Variants in ACSL5 observed in about 807,000 individuals in gnomAD.
ACSL5 encodes the protein long-chain-fatty-acid--CoA ligase 5.
ACSL5 carries 50 observed loss-of-function variants against 84.9 expected under a neutral mutation model. The observed-to-expected ratio is 0.59, with a 90% CI of 0.47 to 0.75. ACSL5 has a LOEUF of 0.75. ACSL5 is among the 30% of genes least tolerant of loss of function. The probability of loss-of-function intolerance (pLI) is 0.00; values close to 1 mark genes in which losing one functional copy is unlikely to be tolerated. For synonymous variants in ACSL5, 280 were observed against 300.7 expected (o/e 0.93, Z 0.71); for missense variants, 775 against 830.4 (o/e 0.93, Z 0.82).
intron 1 of ACSL5, among the ~76,000 whole-genome samples, chr10:112,391,889 T>C (rs1843649702): frequency 6.6e-6 from 1 of 152,196 alleles, no homozygotes; most frequent in Non-Finnish European, 1.5e-5. Context: ...TGAGACGCCA[T>C]AGATTCTCTG....
chr10:112,426,374 G>A lies in ACSL5; in HGVS notation c.1839+15G>A, dbSNP rs562574932. ...GCCAAAACCAAGTAAGTCTTGCCTAGGAAAGCTTTATGCACACCCATGGGC... is the reference window on the plus strand; with the variant it reads ...GCCAAAACCAAGTAAGTCTTGCCTAAGAAAGCTTTATGCACACCCATGGGC... On this transcript the variant is annotated intron_variant, in intron 19 of 20. Transcript: ENST00000354655. The A allele has an allele frequency of 4.1e-5, 66 of 1,610,634 alleles. No homozygotes were observed. The Admixed American group carries it at 9.0e-4, about 22-fold the overall frequency.
chr10:112,416,339 C>A (rs751173700), intron 12 of ACSL5, among the ~76,000 whole-genome samples: 1 of 151,936 alleles, frequency 6.6e-6, no homozygotes, highest in South Asian at 2.1e-4. Context: ...GGCGTGGTGG[C>A]GGGTGCCTGT....
intron 1 of ACSL5, among the ~76,000 whole-genome samples, chr10:112,384,958 T>A (rs755548744): frequency 4.8e-4 from 73 of 152,236 alleles, no homozygotes; most frequent in Non-Finnish European, 9.4e-4. Flanking sequence ...TCTTTTCATA[T>A]CATTACCTAC....
At chr10:112,380,217 T>G (rs1849322819) in intron 1 of ACSL5, among the ~76,000 whole-genome samples, 1 of 152,130 alleles carries the variant, frequency 6.6e-6, no homozygotes, top group Non-Finnish European at 1.5e-5. Flanking sequence ...ACTTCTGGGG[T>G]CACATCCTGT....
At chr10:112,407,738 TA>T (rs770002839) in intron 5 of ACSL5, among the ~76,000 whole-genome samples, 1 of 152,144 alleles carries the variant, frequency 6.6e-6, no homozygotes, top group Non-Finnish European at 1.5e-5. Flanking sequence ...TCTACCTCCA[TA>T]ACCAAATCCT....
intron 1 of ACSL5, among the ~76,000 whole-genome samples, chr10:112,382,561 G>T (rs576717600): frequency 6.6e-6 from 1 of 152,146 alleles, no homozygotes; most frequent in Non-Finnish European, 1.5e-5. Flanking sequence ...CCGAGGAAAG[G>T]GCTTATTCTG....
At chr10:112,385,754 G>A (rs1048533227) in intron 1 of ACSL5, among the ~76,000 whole-genome samples, 8 of 152,074 alleles carry the variant, frequency 5.3e-5, no homozygotes, top group East Asian at 1.9e-4. Flanking sequence ...TTTCCTCAAC[G>A]TGTCTTTGTC....
Position 112,410,600 on chromosome 10 carries a change from AC to A in ACSL5, c.763del (p.Leu255Ter). 1 of 1,614,036 alleles carries A rather than the reference AC, an allele frequency of 6.2e-7. No homozygotes were observed. Among genetic ancestry groups the A allele is most frequent in the Non-Finnish European group, 8.5e-7 (1 of 1,180,008 alleles). ...FRKPVPPSPE[D>X]LSVICFTSGT... Reference sequence around the variant, plus strand: ...CTCCTCCAGCCTCCTAGCCCAGAAGACCTGAGCGTCATCTGCTTCACCAGTG... The same window carrying A: ...CTCCTCCAGCCTCCTAGCCCAGAAGACTGAGCGTCATCTGCTTCACCAGTG... On this transcript the variant is annotated frameshift_variant, in exon 9 of 21. Transcript: ENST00000354655. LOFTEE classifies it high-confidence loss of function.
At chr10:112,389,535 T>C (rs1003065853) in intron 1 of ACSL5, among the ~76,000 whole-genome samples, 3 of 152,180 alleles carry the variant, frequency 2.0e-5, no homozygotes, top group African/African-American at 7.2e-5. Flanking sequence ...CAGAGCCCTC[T>C]TTCCTCTTTT....
chr10:112,408,317 A>G, intron 5 of ACSL5, 105 bp from the exon 6 acceptor site: 1 of 759,392 alleles, frequency 1.3e-6, no homozygotes, highest in Non-Finnish European at 2.2e-6. Flanking sequence ...AAAAAAAAGC[A>G]AAACAAAACA....
intron 1 of ACSL5, among the ~76,000 whole-genome samples, chr10:112,382,727 C>A (rs1849374943): frequency 6.6e-6 from 1 of 152,244 alleles, no homozygotes; most frequent in South Asian, 2.1e-4. Context: ...GAAGCCTAGA[C>A]TCTTAACCCT....
At chr10:112,399,161 T>C in intron 3 of ACSL5, 152 bp downstream of exon 3, 1 of 665,200 alleles carries the variant, frequency 1.5e-6, no homozygotes, top group Non-Finnish European at 2.6e-6. Context: ...CATTAGAACA[T>C]AGTATTAGGA....
chr10:112,392,117 T>C (rs1232295098), intron 1 of ACSL5, among the ~76,000 whole-genome samples: 1 of 152,130 alleles, frequency 6.6e-6, no homozygotes, highest in Non-Finnish European at 1.5e-5. Flanking sequence ...AGGAGGGTGT[T>C]GGTAAGGATC....
chr10:112,388,782 A>G (rs999197770), intron 1 of ACSL5, among the ~76,000 whole-genome samples: 32 of 152,286 alleles, frequency 2.1e-4, no homozygotes, highest in African/African-American at 7.2e-4. Context: ...ACAATATTCA[A>G]TAAGGTGATC....
chr10:112,394,832 G>A, intron 1 of ACSL5, 86 bp from the exon 2 acceptor site: 1 of 1,551,690 alleles, frequency 6.4e-7, no homozygotes, highest in Non-Finnish European at 8.7e-7. Flanking sequence ...ATGTGTGTGT[G>A]TGTGTCCTTC....
At chr10:112,375,218 T>A (rs997202793) in intron 1 of ACSL5, 21 of 151,962 alleles carry the variant, frequency 1.4e-4, no homozygotes, top group African/African-American at 5.1e-4. Flanking sequence ...GGGAGCTGAG[T>A]TCCTGAAACT....
At position 112,394,901 on chromosome 10, in the gene ACSL5, C is replaced by T. The variant is rs766223668; in HGVS notation, c.-29-17C>T. 6.2e-7 allele frequency: 1 copy of T among 1,608,852 alleles called. No individual in the cohort carries two copies. The highest frequency in any genetic ancestry group is 1.7e-5 in the Admixed American group (1 of 59,404). The stretch of plus-strand genomic sequence containing the variant: ...GCCATTTCCTCTAAATTTTCTTTCC[C>T]CTGTTTTTTTTTTAAGGTCTGAATT... On this transcript the variant is annotated splice_polypyrimidine_tract_variant and intron_variant, in intron 1 of 20. Transcript: ENST00000354655.
chr10:112,425,480 G>A lies in ACSL5; in HGVS notation c.1736G>A (p.Arg579Gln), dbSNP rs1249353112. 17 of 1,604,414 alleles carry A rather than the reference G, an allele frequency of 1.1e-5. No homozygotes were observed. Among genetic ancestry groups the A allele is most frequent in the Middle Eastern group, 1.7e-4 (1 of 6,056 alleles). ...ATTTTTGTACACGGGGAGAGCTTAC[G>A]GGTAATATATCATTTTAACAATAGC... ...LQIFVHGESL[R>Q]SSLVGVVVPD... Residue 579 changes from arginine to glutamine, a missense_variant and splice_region_variant, in exon 18 of 21, where the codon CGG (arginine) becomes CAG (glutamine). By Grantham distance (43) the Arg-to-Gln change is conservative. Transcript: ENST00000354655.
intron 2 of ACSL5, chr10:112,396,210 T>C (rs1843743196): frequency 6.6e-6 from 1 of 152,230 alleles, no homozygotes; most frequent in Non-Finnish European, 1.5e-5. Flanking sequence ...TATAATATCA[T>C]TCCATGAGAT....
Sources: gnomAD v4.1 joint callset for allele counts (sites outside exome capture counted in the v4.1 genomes callset) on GRCh38, gnomAD v4.1.1 for gene constraint, MANE v1.5 for transcripts, NCBI Gene and HGNC (gene_info 2026-07-23, HGNC 2026-07-21) for gene names.